CAMK1D: variants seen among roughly 807,000 people sequenced by gnomAD.
The protein encoded by CAMK1D is calcium/calmodulin dependent protein kinase ID.
A neutral mutation model predicts 47.7 loss-of-function variants in CAMK1D; 9 were observed. That is an observed-to-expected ratio of 0.19 (90% CI 0.11 to 0.33). CAMK1D has a LOEUF of 0.33. Ranked by LOEUF, CAMK1D falls within the 10% of genes least tolerant of loss-of-function variation. CAMK1D has a pLI of 1.00. For missense variants in CAMK1D, 291 were observed against 488.7 expected (o/e 0.60, Z 3.81); for synonymous variants, 184 against 184.9 (o/e 0.99, Z 0.04).
chr10:12,488,485 G>A (rs779759104), intron 1 of CAMK1D, among the ~76,000 whole-genome samples: 4 of 152,124 alleles, frequency 2.6e-5, no homozygotes, highest in African/African-American at 4.8e-5. Context: ...TTGGCACCAG[G>A]GACTGGTTTC....
intron 3 of CAMK1D, among the ~76,000 whole-genome samples, chr10:12,697,471 T>TTG (rs1833342755): frequency 6.6e-6 from 1 of 152,226 alleles, no homozygotes; most frequent in Non-Finnish European, 1.5e-5. Context: ...CAATCTCAGC[T>TTG]CACTGCAACC....
chr10:12,715,997 C>T (rs913584394), intron 3 of CAMK1D, among the ~76,000 whole-genome samples: 1 of 152,026 alleles, frequency 6.6e-6, no homozygotes, highest in Non-Finnish European at 1.5e-5. Context: ...AGGTGTGAGC[C>T]ACTGCGCCCG....
intron 1 of CAMK1D, among the ~76,000 whole-genome samples, chr10:12,427,855 A>G (rs937711315): frequency 2.0e-5 from 3 of 151,036 alleles, no homozygotes; most frequent in East Asian, 3.9e-4. Context: ...TTACAGGTGC[A>G]TGCCACCATG....
chr10:12,622,118 C>T (rs1346112450), intron 2 of CAMK1D, among the ~76,000 whole-genome samples: 3 of 152,158 alleles, frequency 2.0e-5, no homozygotes, highest in Non-Finnish European at 2.9e-5. Context: ...TCCTCTTTGG[C>T]GTCTTTGACT....
chr10:12,787,515 C>G (rs1356878623), intron 5 of CAMK1D, among the ~76,000 whole-genome samples: 1 of 152,176 alleles, frequency 6.6e-6, no homozygotes, highest in South Asian at 2.1e-4. Context: ...AGGCAGGAAG[C>G]CTGCTCTGCG....
In CAMK1D at chr10:12,634,683, C is replaced by T. The variant is rs115172952; in HGVS notation, c.225-32053C>T. On this transcript the variant is annotated intron_variant, in intron 2 of 10. Coordinates refer to ENST00000619168, the MANE Select transcript of CAMK1D (RefSeq NM_153498.4). ...TCCACTCCCGGGCTGAGTGTCACTA[C>T]GAGTCTTGACTTTCTCGTCATGCTG... 2.2e-3 allele frequency among the ~76,000 whole-genome samples: 342 copies of T among 152,266 alleles called. 2 individuals are homozygous for T. The highest frequency in any genetic ancestry group is 6.8e-3 in the African/African-American group (282 of 41,548).
chr10:12,665,845 G>A (rs1401767054), intron 2 of CAMK1D, among the ~76,000 whole-genome samples: 3 of 152,330 alleles, frequency 2.0e-5, no homozygotes, highest in East Asian at 1.9e-4. Flanking sequence ...TGCAGCCTTC[G>A]AGGCCCCAAG....
At chr10:12,483,807 C>T (rs1479728315) in intron 1 of CAMK1D, among the ~76,000 whole-genome samples, 1 of 152,164 alleles carries the variant, frequency 6.6e-6, no homozygotes, top group Non-Finnish European at 1.5e-5. Context: ...CTGCCTTTGC[C>T]TCCCTAGTAG....
chr10:12,685,106 G>T (rs1387610881), intron 3 of CAMK1D, among the ~76,000 whole-genome samples: 1 of 152,228 alleles, frequency 6.6e-6, no homozygotes, highest in Non-Finnish European at 1.5e-5. Flanking sequence ...TTCGAGACCA[G>T]TATGGCCAAC....
intron 3 of CAMK1D, among the ~76,000 whole-genome samples, chr10:12,739,386 C>T (rs894800088): frequency 3.3e-5 from 5 of 151,744 alleles, no homozygotes; most frequent in African/African-American, 9.7e-5. Flanking sequence ...AGCAGTTTTC[C>T]TGCCTCAGCC....
intron 1 of CAMK1D, among the ~76,000 whole-genome samples, chr10:12,422,174 G>C (rs1254531399): frequency 2.6e-5 from 4 of 152,184 alleles, no homozygotes; most frequent in Non-Finnish European, 5.9e-5. Flanking sequence ...CTTGGGGGCA[G>C]GTATTCAGGA....
chr10:12,560,609 G>A (rs925434604), intron 2 of CAMK1D, among the ~76,000 whole-genome samples: 1 of 151,852 alleles, frequency 6.6e-6, no homozygotes, highest in Admixed American at 6.6e-5. Flanking sequence ...TCATTGATTG[G>A]GGCTGAAGAT....
intron 1 of CAMK1D, among the ~76,000 whole-genome samples, chr10:12,542,192 A>C (rs763472915): frequency 6.6e-6 from 1 of 152,148 alleles, no homozygotes; most frequent in African/African-American, 2.4e-5. Context: ...TCAGTGTTTT[A>C]AAACCAGCCT....
At chr10:12,402,629 G>GT in intron 1 of CAMK1D, among the ~76,000 whole-genome samples, 1 of 152,286 alleles carries the variant, frequency 6.6e-6, no homozygotes, top group Non-Finnish European at 1.5e-5. Context: ...TAAGACTGGC[G>GT]TTAGGGATTC....
intron 1 of CAMK1D, among the ~76,000 whole-genome samples, chr10:12,452,621 T>C (rs574838050): frequency 4.5e-4 from 69 of 152,104 alleles, no homozygotes; most frequent in Non-Finnish European, 8.4e-4. Flanking sequence ...AGTCTCACTC[T>C]GTCGCCCAGG....
At chr10:12,663,925 A>AT in intron 2 of CAMK1D, among the ~76,000 whole-genome samples, 1 of 152,062 alleles carries the variant, frequency 6.6e-6, no homozygotes, top group East Asian at 1.9e-4. Context: ...GGCCAGAATA[A>AT]TTTTTTTTAA....
chr10:12,717,891 C>CA (rs1181845465), intron 3 of CAMK1D, among the ~76,000 whole-genome samples: 3,392 of 52,030 alleles, frequency 0.065, 73 homozygotes, highest in South Asian at 0.098. Context: ...GAGACCCTGT[C>CA]AAAAAAAAAA....
chr10:12,459,710 A>G (rs747436414), intron 1 of CAMK1D, among the ~76,000 whole-genome samples: 2 of 152,170 alleles, frequency 1.3e-5, no homozygotes, highest in African/African-American at 4.8e-5. Context: ...TAGTTTCTGA[A>G]TTCGATGAAA....
chr10:12,684,281 G>A (rs936452966), intron 3 of CAMK1D, among the ~76,000 whole-genome samples: 4 of 152,076 alleles, frequency 2.6e-5, no homozygotes, highest in Non-Finnish European at 4.4e-5. Context: ...TGATGTTTTC[G>A]GTGGATGGAT....
Sources: allele counts gnomAD v4.1 joint callset (sites outside exome capture counted in the v4.1 genomes callset), GRCh38; gene constraint gnomAD v4.1.1; transcripts MANE v1.5; gene names NCBI Gene and HGNC (gene_info 2026-07-23, HGNC 2026-07-21).